PLEKHM3: variants seen among roughly 807,000 people sequenced by gnomAD.
The protein encoded by PLEKHM3 is pleckstrin homology domain containing M3.
In PLEKHM3, 45 loss-of-function variants were observed where a neutral mutation model predicts 81.8. That is an observed-to-expected ratio of 0.55 (90% CI 0.43 to 0.71). PLEKHM3 has a LOEUF of 0.71. Ranked by LOEUF, PLEKHM3 falls within the 30% of genes least tolerant of loss-of-function variation. The probability of loss-of-function intolerance (pLI) is 0.00; values close to 1 mark genes in which losing one functional copy is unlikely to be tolerated. For synonymous variants in PLEKHM3, 352 were observed against 356.4 expected, an observed-to-expected ratio of 0.99 and a Z score of 0.14; for missense variants, 788 against 924.3, an observed-to-expected ratio of 0.85 and a Z score of 1.91.
At chr2:207,921,276 T>C (rs985188217) in intron 5 of PLEKHM3, among the ~76,000 whole-genome samples, 9 of 152,152 alleles carry the variant, frequency 5.9e-5, no homozygotes, top group African/African-American at 1.9e-4. Flanking sequence ...CTCAATCTCT[T>C]GACCTCGCAA....
chr2:207,965,929 T>A (rs1690895033), intron 3 of PLEKHM3, among the ~76,000 whole-genome samples: 1 of 152,210 alleles, frequency 6.6e-6, no homozygotes, highest in East Asian at 1.9e-4. Context: ...TTAATCTCAT[T>A]TTCTCTAACC....
chr2:208,001,885 A>C lies in PLEKHM3; in HGVS notation c.-246T>G. On this transcript the variant is annotated 5_prime_UTR_variant, in exon 2 of 8. Coordinates refer to ENST00000427836, the MANE Select transcript of PLEKHM3 (RefSeq NM_001080475.3). ...GGAGACCAAATGTTCCTTTGAGATT[A>C]TTCTTCAGTGAGACCTCTGTGAAGA... 1 of 514,468 alleles carries C rather than the reference A, an allele frequency of 1.9e-6. No homozygotes were observed. Among genetic ancestry groups the C allele is most frequent in the Non-Finnish European group, 3.4e-6 (1 of 296,116 alleles). The allele number at this position is 514,468 out of a possible 1,614,324, so 31.9% of individuals were successfully genotyped here. A position where few individuals can be genotyped will look rare whatever the true frequency, so the allele number is the denominator to read the frequency against.
chr2:207,855,919 A>G (rs2092435237), intron 7 of PLEKHM3, among the ~76,000 whole-genome samples: 1 of 152,160 alleles, frequency 6.6e-6, no homozygotes, highest in African/African-American at 2.4e-5. Flanking sequence ...AAATCTGAAA[A>G]AACTGTGGAC....
At chr2:207,908,141 G>A (rs1001083303) in intron 6 of PLEKHM3, among the ~76,000 whole-genome samples, 2 of 152,160 alleles carry the variant, frequency 1.3e-5, no homozygotes, top group African/African-American at 4.8e-5. Flanking sequence ...GAATAATGCT[G>A]CTCTGAACAT....
chr2:207,992,202 G>A (rs756744814), intron 2 of PLEKHM3, among the ~76,000 whole-genome samples: 8 of 152,212 alleles, frequency 5.3e-5, no homozygotes, highest in Admixed American at 3.9e-4. Context: ...CAGTGGTTAT[G>A]TGCAGTCTTG....
At chr2:207,969,081 C>T (rs1691023320) in intron 3 of PLEKHM3, among the ~76,000 whole-genome samples, 1 of 152,190 alleles carries the variant, frequency 6.6e-6, no homozygotes. Flanking sequence ...CTTATTTCCA[C>T]CTCTCAGTTC....
chr2:207,865,799 A>ATATATATATATATATATAT (rs1227503454), intron 6 of PLEKHM3, among the ~76,000 whole-genome samples: 1 of 35,138 alleles, frequency 2.8e-5, no homozygotes, highest in Non-Finnish European at 5.5e-5. Context: ...AAAAAAAAAA[A>ATATATATATATATATATAT]AAAGATATAT....
At chr2:207,939,383 C>G (rs1336217841) in intron 4 of PLEKHM3, among the ~76,000 whole-genome samples, 1 of 152,044 alleles carries the variant, frequency 6.6e-6, no homozygotes, top group Non-Finnish European at 1.5e-5. Context: ...AAGAGGAAGA[C>G]AAGAGGTGTG....
chr2:207,859,994 T>C (rs2092458217), intron 7 of PLEKHM3, among the ~76,000 whole-genome samples: 1 of 152,214 alleles, frequency 6.6e-6, no homozygotes, highest in South Asian at 2.1e-4. Context: ...TCGTCCAGTT[T>C]GGGCCTTCCT....
chr2:207,985,915 G>A (rs1276388968), intron 2 of PLEKHM3, among the ~76,000 whole-genome samples: 1 of 151,776 alleles, frequency 6.6e-6, no homozygotes, highest in Non-Finnish European at 1.5e-5. Context: ...GTGAACCTGG[G>A]AGGTGGAGCT....
At chr2:208,016,874 A>T (rs948813868) in intron 1 of PLEKHM3, among the ~76,000 whole-genome samples, 3 of 152,112 alleles carry the variant, frequency 2.0e-5, no homozygotes, top group Admixed American at 2.0e-4. Context: ...AATTTCAGTT[A>T]CTCCGTATCC....
chr2:207,923,347 C>T (rs1395196493), intron 5 of PLEKHM3, among the ~76,000 whole-genome samples: 2 of 152,120 alleles, frequency 1.3e-5, no homozygotes, highest in Non-Finnish European at 2.9e-5. Context: ...GTGGCTCATG[C>T]CTGTAATCCC....
Position 207,823,005 on chromosome 2 carries a change from G to A in PLEKHM3, c.*5314C>T, listed in dbSNP as rs953469805. Reference sequence around the variant, plus strand: ...GAGAGAGGCTGGTTTGCAGCTTCACGGCCAATAGGAGGGAGCCCTCCTAAG... The same window carrying A: ...GAGAGAGGCTGGTTTGCAGCTTCACAGCCAATAGGAGGGAGCCCTCCTAAG... On this transcript the variant is annotated 3_prime_UTR_variant, in exon 8 of 8. Coordinates refer to ENST00000427836, the MANE Select transcript of PLEKHM3 (RefSeq NM_001080475.3). The A allele has an allele frequency of 6.6e-6, 1 of 152,308 alleles. No individual in the cohort carries two copies. The highest frequency in any genetic ancestry group is 2.4e-5 in the African/African-American group (1 of 41,452). The allele number at this position is 152,308 out of a possible 1,614,324, so 9.4% of individuals were successfully genotyped here.
At position 207,923,855 on chromosome 2, in the gene PLEKHM3, GCACACA is replaced by G. The variant is rs1157865708; in HGVS notation, c.1886+7065_1886+7070del. The stretch of plus-strand genomic sequence containing the variant: ...TACATATACATACATACACACGCAC[GCACACA>G]CACACACACACACACACACATATAT... On this transcript the variant is annotated intron_variant, in intron 5 of 7. Coordinates refer to ENST00000427836, the MANE Select transcript of PLEKHM3 (RefSeq NM_001080475.3). Among the ~76,000 whole-genome samples the G allele has an allele frequency of 4.8e-3, 91 of 18,900 alleles. 1 individual carries two copies. Among genetic ancestry groups the G allele is most frequent in the African/African-American group, 0.012 (87 of 7,108 alleles). The allele number at this position is 18,900 out of a possible 152,430, so 12.4% of individuals were successfully genotyped here.
intron 6 of PLEKHM3, among the ~76,000 whole-genome samples, chr2:207,877,210 A>C (rs2092563796): frequency 1.3e-5 from 2 of 152,180 alleles, no homozygotes; most frequent in Admixed American, 1.3e-4. Context: ...GTTCAGTAAA[A>C]TCTAAATAGA....
At chr2:208,019,790 CT>C (rs768393052) in intron 1 of PLEKHM3, 4 of 152,234 alleles carry the variant, frequency 2.6e-5, no homozygotes, top group Non-Finnish European at 5.9e-5. Context: ...CCTCACTAGA[CT>C]GTAAGCTTCA....
intron 6 of PLEKHM3, among the ~76,000 whole-genome samples, chr2:207,903,893 A>T (rs964594649): frequency 6.6e-6 from 1 of 152,224 alleles, no homozygotes; most frequent in Admixed American, 6.5e-5. Context: ...GTGAGCATAT[A>T]TTTTTATTGC....
chr2:207,976,668 T>C lies in PLEKHM3; in HGVS notation c.1529A>G (p.Gln510Arg). The C allele has an allele frequency of 6.2e-7, 1 of 1,613,782 alleles. No individual in the cohort carries two copies. Among genetic ancestry groups the C allele is most frequent in the Non-Finnish European group, 8.5e-7 (1 of 1,179,766 alleles). ...TLSLERGLTAQSFKCAGCQRS... is the reference protein window; with the variant it reads ...TLSLERGLTARSFKCAGCQRS... The stretch of plus-strand genomic sequence containing the variant: ...CTTCATACCTGCACATTTGAAACTC[T>C]GAGCAGTGAGTCCTCGTTCCAAAGA... Residue 510 changes from glutamine (Q) to arginine (R), a missense_variant, in exon 3 of 8, where the codon CAG (glutamine) becomes CGG (arginine). Coordinates refer to ENST00000427836, the MANE Select transcript of PLEKHM3 (RefSeq NM_001080475.3). This position sits in a 1 kb window ranked among gnomAD's most constrained non-coding sequence, Gnocchi z 4.1.
At chr2:207,966,269 T>TA (rs1247096097) in intron 3 of PLEKHM3, among the ~76,000 whole-genome samples, 1 of 152,218 alleles carries the variant, frequency 6.6e-6, no homozygotes, top group Non-Finnish European at 1.5e-5. Flanking sequence ...TCAGACAAGT[T>TA]AAATGACTTG....
Sources: allele counts gnomAD v4.1 joint callset (sites outside exome capture counted in the v4.1 genomes callset), GRCh38; gene constraint gnomAD v4.1.1; non-coding constraint Gnocchi (gnomAD v3.1); transcripts MANE v1.5; gene names NCBI Gene and HGNC (gene_info 2026-07-23, HGNC 2026-07-21).